ARID2: variants seen among roughly 807,000 people sequenced by gnomAD.
The protein encoded by ARID2 is AT-rich interactive domain-containing protein 2.
In ARID2, 32 loss-of-function variants were observed where a neutral mutation model predicts 184.6. The observed-to-expected ratio is 0.17, with a 90% confidence interval of 0.13 to 0.23. The LOEUF (loss-of-function observed/expected upper bound fraction) is 0.23. Ranked by LOEUF, ARID2 falls within the 10% of genes least tolerant of loss-of-function variation. The pLI is 1.00. For missense variants in ARID2, 1,696 were observed against 2,197.6 expected (o/e 0.77, Z 4.56); for synonymous variants, 836 against 772.6 (o/e 1.08, Z -1.36).
At chr12:45,756,633 C>G (rs1182151082) in intron 3 of ARID2, among the ~76,000 whole-genome samples, 3 of 152,326 alleles carry the variant, frequency 2.0e-5, no homozygotes, top group Admixed American at 1.3e-4. Context: ...CCAAACTTCC[C>G]TACCTGTAAC....
intron 15 of ARID2, among the ~76,000 whole-genome samples, chr12:45,854,073 G>A (rs540438232): frequency 2.0e-5 from 3 of 152,048 alleles, no homozygotes; most frequent in Non-Finnish European, 4.4e-5. Context: ...TTAGATTCTC[G>A]TAGGACCACA....
chr12:45,893,903 G>T, intron 20 of ARID2, 182 bp downstream of exon 20: 1 of 457,958 alleles, frequency 2.2e-6, no homozygotes, highest in Non-Finnish European at 3.7e-6. Flanking sequence ...ATAAATAGAA[G>T]TTAAAACAAC....
chr12:45,744,635 TTAA>T (rs1270601931), intron 3 of ARID2, among the ~76,000 whole-genome samples: 2 of 152,156 alleles, frequency 1.3e-5, no homozygotes, highest in Non-Finnish European at 2.9e-5. Flanking sequence ...TACTTGATAT[TTAA>T]TAATAAGGCA....
intron 3 of ARID2, among the ~76,000 whole-genome samples, chr12:45,796,569 A>G (rs1321904250): frequency 6.6e-6 from 1 of 152,010 alleles, no homozygotes; most frequent in Admixed American, 6.5e-5. Flanking sequence ...GCTGGAGTGC[A>G]GTAGTGCAAT....
rs1489023296 is a variant in ARID2, at chr12:45,837,637, G to C, written c.1260G>C (p.Glu420Asp). 6.2e-7 allele frequency: 1 copy of C among 1,613,954 alleles called. No individual in the cohort carries two copies. Among genetic ancestry groups the C allele is most frequent in the Non-Finnish European group, 8.5e-7 (1 of 1,179,962 alleles). Residue 420 changes from glutamate (E) to aspartate (D), a missense_variant, in exon 10 of 21, where the codon GAG (glutamate) becomes GAC (aspartate). Physicochemically the swap from Glu to Asp is conservative, Grantham distance 45. Transcript: ENST00000334344. The part of the protein sequence containing the change: ...PDVLLVISTL[E>D]VLYMLTEMGD... ...TGCTGCTTGTAATCTCAACACTCGA[G>C]GTGCTATACATGCTCACGGAAATGG...
intron 6 of ARID2, among the ~76,000 whole-genome samples, chr12:45,835,023 C>T (rs935398674): frequency 5.9e-5 from 9 of 152,108 alleles, no homozygotes; most frequent in Non-Finnish European, 1.2e-4. Flanking sequence ...TCACTGTGTG[C>T]CTTATGTCTC....
Position 45,906,922 on chromosome 12 carries a change from T to C in ARID2, c.*1844T>C, listed in dbSNP as rs1944537564. The C allele has an allele frequency of 4.3e-6, 1 of 231,964 alleles. No homozygotes were observed. The highest frequency in any genetic ancestry group is 8.5e-6 in the Non-Finnish European group (1 of 117,412). 14.4% of individuals were successfully genotyped at this position (231,964 alleles called of 1,614,324 possible). A position where few individuals can be genotyped will look rare whatever the true frequency, so the allele number is the denominator to read the frequency against. ...GTGTATCCAAATCTTCAGCTTGAATTTGGAGGCAGATTCTTAGAGTGAAAA... is the reference window on the plus strand; with the variant it reads ...GTGTATCCAAATCTTCAGCTTGAATCTGGAGGCAGATTCTTAGAGTGAAAA... On this transcript the variant is annotated 3_prime_UTR_variant, in exon 21 of 21. Transcript: ENST00000334344.
In ARID2 at chr12:45,878,187, A is replaced by T. The variant is rs74717230; in HGVS notation, c.4923-13593A>T. Among the ~76,000 whole-genome samples, 854 of 152,132 alleles carry T rather than the reference A, an allele frequency of 5.6e-3. 8 individuals are homozygous for T. Among genetic ancestry groups the T allele is most frequent in the African/African-American group, 0.02 (812 of 41,504 alleles). On this transcript the variant is annotated intron_variant, in intron 16 of 20. Transcript: ENST00000334344. ...TTTGGTTTTTGGAAGTTTGAATATG[A>T]TGTGGCTAGGTGTTGATTTTTTAAT...
At chr12:45,814,302 C>T (rs1016653314) in intron 4 of ARID2, among the ~76,000 whole-genome samples, 1 of 152,060 alleles carries the variant, frequency 6.6e-6, no homozygotes, top group East Asian at 1.9e-4. Flanking sequence ...GAAGTGACTG[C>T]CTCAGATTAA....
At chr12:45,832,390 T>A (rs561322950) in intron 6 of ARID2, among the ~76,000 whole-genome samples, 4 of 152,238 alleles carry the variant, frequency 2.6e-5, no homozygotes, top group Admixed American at 1.3e-4. Flanking sequence ...TTTAGTTTCT[T>A]GGATCTGTGG....
At position 45,852,411 on chromosome 12, in the gene ARID2, A is replaced by G. The variant is rs1164622037; in HGVS notation, c.4288A>G (p.Ser1430Gly). ...VLTLGGSSVS[S>G]IQEASNAATQ... ...AACTTTGGGTGGTTCATCTGTGAGC[A>G]GTATACAGGAGGCTTCAAATGCGGC... The change falls in exon 15 of 21, where the codon AGT (serine) becomes GGT (glycine). Residue 1430 changes from serine (S) to glycine (G), a missense_variant. Coordinates refer to ENST00000334344, the MANE Select transcript of ARID2 (RefSeq NM_152641.4). The G allele has an allele frequency of 5.6e-6, 9 of 1,614,192 alleles. No homozygotes were observed. In the South Asian group the frequency reaches 8.8e-5, roughly 16 times the overall value.
At position 45,731,329 on chromosome 12, in the gene ARID2, C is replaced by G. The variant is rs2137963125; in HGVS notation, c.284+15C>G. On this transcript the variant is annotated intron_variant, in intron 3 of 20. Coordinates refer to ENST00000334344, the MANE Select transcript of ARID2 (RefSeq NM_152641.4). ...TATTACTTGCGGTGAGTAGTAGTGA[C>G]TTTTCCATAGTATTTGGAAATAAGG... The G allele has an allele frequency of 1.3e-6, 2 of 1,584,740 alleles. No individual in the cohort carries two copies. The highest frequency in any genetic ancestry group is 1.7e-6 in the Non-Finnish European group (2 of 1,153,478).
At chr12:45,889,991 C>G (rs904623356) in intron 16 of ARID2, among the ~76,000 whole-genome samples, 3 of 152,180 alleles carry the variant, frequency 2.0e-5, no homozygotes, top group Admixed American at 1.3e-4. Flanking sequence ...CCCTTAACTA[C>G]TTTTCACCTT....
chr12:45,775,112 G>A (rs1941950516), intron 3 of ARID2, among the ~76,000 whole-genome samples: 1 of 152,164 alleles, frequency 6.6e-6, no homozygotes, highest in Admixed American at 6.6e-5. Context: ...GGCCTGGAGT[G>A]ATTGTGCGTT....
intron 16 of ARID2, among the ~76,000 whole-genome samples, chr12:45,865,500 G>GTT (rs530953173): frequency 1.3e-5 from 2 of 151,826 alleles, no homozygotes; most frequent in Non-Finnish European, 2.9e-5. Context: ...TAGATGAAGG[G>GTT]TTTTTTTCTT....
At chr12:45,735,029 C>T (rs1245158325) in intron 3 of ARID2, among the ~76,000 whole-genome samples, 1 of 151,794 alleles carries the variant, frequency 6.6e-6, no homozygotes, top group African/African-American at 2.4e-5. Flanking sequence ...TTTATATGTA[C>T]CTACCTTTAG....
intron 3 of ARID2, among the ~76,000 whole-genome samples, chr12:45,794,583 G>C (rs907324321): frequency 1.3e-5 from 2 of 152,154 alleles, no homozygotes; most frequent in African/African-American, 4.8e-5. Flanking sequence ...CTAGTCTTTA[G>C]GTCAGGTCTC....
At chr12:45,865,472 T>G (rs895663694) in intron 16 of ARID2, among the ~76,000 whole-genome samples, 2 of 152,102 alleles carry the variant, frequency 1.3e-5, no homozygotes, top group Admixed American at 6.5e-5. Flanking sequence ...TTTTTTGTTA[T>G]TTTGTTTGTT....
chr12:45,731,626 G>GCTTA (rs1297993603), intron 3 of ARID2, among the ~76,000 whole-genome samples: 1 of 152,118 alleles, frequency 6.6e-6, no homozygotes, highest in Admixed American at 6.5e-5. Flanking sequence ...GAAAGGTGAT[G>GCTTA]CTTAGTAAAA....
Sources: gnomAD v4.1 joint callset for allele counts (sites outside exome capture counted in the v4.1 genomes callset) on GRCh38, gnomAD v4.1.1 for gene constraint, MANE v1.5 for transcripts, NCBI Gene and HGNC (gene_info 2026-07-23, HGNC 2026-07-21) for gene names.